The following HIPK3 variants were observed in gnomAD, a reference collection of about 807,000 sequenced individuals.
HIPK3 encodes the protein homeodomain-interacting protein kinase 3.
HIPK3 carries 47 observed loss-of-function variants against 124.2 expected under a neutral mutation model. The ratio of observed to expected loss-of-function variants is 0.38; its 90% confidence interval spans 0.30 to 0.48. The LOEUF is 0.48. HIPK3 is among the 20% of genes least tolerant of loss of function. The pLI, the probability that HIPK3 is intolerant of heterozygous loss-of-function variation, is 0.98. For missense variants in HIPK3, 1,286 were observed against 1,454.3 expected (o/e 0.88, Z 1.88); for synonymous variants, 482 against 515.2 (o/e 0.94, Z 0.87).
Position 33,341,109 on chromosome 11 carries a change from C to T in HIPK3, c.1755C>T (p.Ile585=), listed in dbSNP as rs777633553. The T allele has an allele frequency of 8.8e-6, 14 of 1,588,444 alleles. No homozygotes were observed. In the Admixed American group the frequency reaches 1.3e-4, roughly 15 times the overall value. Reference sequence around the variant, plus strand: ...CACTGACTGCAAATTTTACTAAAATCGGAACATTAAGAAGTCAGGTAAGAA... The same window carrying T: ...CACTGACTGCAAATTTTACTAAAATTGGAACATTAAGAAGTCAGGTAAGAA... ...TATLTANFTK[I]GTLRSQALTT... The change falls in exon 7 of 17, where the codon ATC becomes ATT. Residue 585 remains isoleucine (I), a synonymous_variant. Coordinates refer to ENST00000303296, the MANE Select transcript of HIPK3 (RefSeq NM_005734.5).
At chr11:33,315,111 A>C (rs555978962) in intron 2 of HIPK3, among the ~76,000 whole-genome samples, 1 of 152,164 alleles carries the variant, frequency 6.6e-6, no homozygotes, top group Non-Finnish European at 1.5e-5. Flanking sequence ...ATGCTACCTC[A>C]GTTACTGACA....
At chr11:33,326,285 T>C (rs1453433723) in intron 2 of HIPK3, among the ~76,000 whole-genome samples, 2 of 152,184 alleles carry the variant, frequency 1.3e-5, no homozygotes, top group African/African-American at 4.8e-5. Flanking sequence ...CTGATTTAAT[T>C]GGTGTAGGGT....
chr11:33,257,323 G>C (rs1850690695), upstream of HIPK3: 1 of 983,902 alleles, frequency 1.0e-6, no homozygotes. Flanking sequence ...CGGTGGCGCT[G>C]CGGAGGCGGT....
intron 8 of HIPK3, among the ~76,000 whole-genome samples, chr11:33,342,449 C>A (rs1853362957): frequency 6.6e-6 from 1 of 151,818 alleles, no homozygotes. Context: ...GGATTGATTT[C>A]AATTACATTA....
rs192021473 is a variant in HIPK3 at position 33,306,657 on chromosome 11, A to T, written c.1097+19146A>T. Among the ~76,000 whole-genome samples the T allele has an allele frequency of 6.6e-5, 10 of 152,348 alleles. No individual in the cohort carries two copies. The East Asian group carries it at 1.9e-3, about 29-fold the overall frequency. On this transcript the variant is annotated intron_variant, in intron 2 of 16. Transcript: ENST00000303296. ...CCTCAGTTTAGTCATCTGTAATATAATGATGATAGTAACTACCTCACAGGT... is the reference window on the plus strand; with the variant it reads ...CCTCAGTTTAGTCATCTGTAATATATTGATGATAGTAACTACCTCACAGGT...
At chr11:33,298,901 C>T (rs1354294002) in intron 2 of HIPK3, among the ~76,000 whole-genome samples, 1 of 152,056 alleles carries the variant, frequency 6.6e-6, no homozygotes, top group Non-Finnish European at 1.5e-5. Context: ...GGCTGGAGTG[C>T]AGTGGTGCAA....
intron 1 of HIPK3, among the ~76,000 whole-genome samples, chr11:33,261,294 A>G (rs1428120165): frequency 1.3e-5 from 2 of 151,374 alleles, no homozygotes; most frequent in African/African-American, 4.9e-5. Flanking sequence ...TGTTTGATGT[A>G]CGGATTATTT....
intron 1 of HIPK3, among the ~76,000 whole-genome samples, chr11:33,270,921 T>G (rs1851107977): frequency 6.6e-6 from 1 of 152,262 alleles, no homozygotes; most frequent in African/African-American, 2.4e-5. Context: ...TAGGTTCTTT[T>G]CCCTGAATAT....
At chr11:33,300,891 A>G (rs1354230932) in intron 2 of HIPK3, among the ~76,000 whole-genome samples, 1 of 152,056 alleles carries the variant, frequency 6.6e-6, no homozygotes, top group East Asian at 1.9e-4. Context: ...GCATTCTACC[A>G]TGCCTGTCTA....
chr11:33,351,881 A>C, intron 15 of HIPK3, 38 bp downstream of exon 15: 1 of 1,509,060 alleles, frequency 6.6e-7, no homozygotes, highest in Non-Finnish European at 9.1e-7. Flanking sequence ...TTGTCCTTTA[A>C]ATACGGTCTT....
intron 1 of HIPK3, among the ~76,000 whole-genome samples, chr11:33,284,248 A>G (rs897605979): frequency 1.3e-5 from 2 of 152,198 alleles, no homozygotes; most frequent in Non-Finnish European, 2.9e-5. Flanking sequence ...ACAAGCCAAC[A>G]TTTATTGAAC....
intron 3 of HIPK3, among the ~76,000 whole-genome samples, chr11:33,330,445 C>G (rs1306443912): frequency 6.6e-6 from 1 of 152,196 alleles, no homozygotes; most frequent in Non-Finnish European, 1.5e-5. Flanking sequence ...TCTTCTGCCT[C>G]AGCCTCCTGA....
chr11:33,316,843 G>C (rs1852517391), intron 2 of HIPK3, among the ~76,000 whole-genome samples: 2 of 151,956 alleles, frequency 1.3e-5, no homozygotes, highest in South Asian at 4.1e-4. Flanking sequence ...AAAAAACCCA[G>C]AAAATTGTTC....
chr11:33,280,697 A>G (rs1851389919), intron 1 of HIPK3, among the ~76,000 whole-genome samples: 1 of 152,164 alleles, frequency 6.6e-6, no homozygotes, highest in African/African-American at 2.4e-5. Context: ...CCAGCTTGGC[A>G]TGTTGGGAAA....
chr11:33,315,915 A>G lies in HIPK3; in HGVS notation c.1098-12595A>G, dbSNP rs558241872. 3.9e-5 allele frequency among the ~76,000 whole-genome samples: 6 copies of G among 152,308 alleles called. No homozygotes were observed. In the South Asian group the frequency reaches 1.0e-3, roughly 26 times the overall value. ...GATCATTGTCCTGCATACTTAAAAG[A>G]TTAAGTGGCCTTTCAATAAGGATAT... is the stretch of plus-strand genomic sequence containing the variant. On this transcript the variant is annotated intron_variant, in intron 2 of 16. Coordinates refer to ENST00000303296, the MANE Select transcript of HIPK3 (RefSeq NM_005734.5).
chr11:33,276,826 T>A (rs1851285835), intron 1 of HIPK3, among the ~76,000 whole-genome samples: 2 of 152,024 alleles, frequency 1.3e-5, no homozygotes, highest in Non-Finnish European at 1.5e-5. Context: ...ATGCCTCAAC[T>A]TCTTGAGTAG....
chr11:33,349,346 T>A, intron 14 of HIPK3, 59 bp downstream of exon 14: 1 of 1,395,724 alleles, frequency 7.2e-7, no homozygotes, highest in Non-Finnish European at 9.8e-7. Flanking sequence ...AAGCCTACGA[T>A]TTCTTTCTGT....
In HIPK3 at chr11:33,286,350, T is replaced by C. The variant is rs973593140; in HGVS notation, c.-2-63T>C. 21 of 1,321,408 alleles carry C rather than the reference T, an allele frequency of 1.6e-5. No homozygotes were observed. In the African/African-American group the frequency reaches 2.8e-4, roughly 18 times the overall value. 81.9% of individuals were successfully genotyped at this position (1,321,408 alleles called of 1,614,324 possible). A position where few individuals can be genotyped will look rare whatever the true frequency, so the allele number is the denominator to read the frequency against. Reference sequence around the variant, plus strand: ...CTGATATTTAAAATTGAAAAAAAAATTGTTGACATTAATATTTCTTCTTTC... The same window carrying C: ...CTGATATTTAAAATTGAAAAAAAAACTGTTGACATTAATATTTCTTCTTTC... On this transcript the variant is annotated intron_variant, in intron 1 of 16. Transcript: ENST00000303296.
intron 2 of HIPK3, among the ~76,000 whole-genome samples, chr11:33,292,087 T>C (rs1851713860): frequency 6.6e-6 from 1 of 152,242 alleles, no homozygotes; most frequent in African/African-American, 2.4e-5. Context: ...GGGTACTTTA[T>C]GATGAAACAC....
Sources: gnomAD v4.1 joint callset for allele counts (sites outside exome capture counted in the v4.1 genomes callset) on GRCh38, gnomAD v4.1.1 for gene constraint, MANE v1.5 for transcripts, NCBI Gene and HGNC (gene_info 2026-07-23, HGNC 2026-07-21) for gene names.